The following KIAA0232 variants were observed in gnomAD, a reference collection of about 807,000 sequenced individuals.
The protein encoded by KIAA0232 is KIAA0232.
In KIAA0232, 27 loss-of-function variants were observed where a neutral mutation model predicts 122.0. The observed-to-expected ratio is 0.22, with a 90% CI of 0.16 to 0.31. The LOEUF is 0.31. KIAA0232 is among the 10% of genes least tolerant of loss of function. The probability of loss-of-function intolerance (pLI) is 1.00; values close to 1 mark genes in which losing one functional copy is unlikely to be tolerated. For missense variants in KIAA0232, 1,551 were observed against 1,634.2 expected, an observed-to-expected ratio of 0.95 and a Z score of 0.88; for synonymous variants, 613 against 587.6, an observed-to-expected ratio of 1.04 and a Z score of -0.63.
intron 4 of KIAA0232, among the ~76,000 whole-genome samples, chr4:6,856,357 A>G (rs1720571910): frequency 6.6e-6 from 1 of 152,164 alleles, no homozygotes; most frequent in African/African-American, 2.4e-5. Flanking sequence ...AAATACATTG[A>G]CTTTTTTTGT....
chr4:6,857,252 G>C lies in KIAA0232; in HGVS notation c.436+22G>C, dbSNP rs188187503. On this transcript the variant is annotated intron_variant, in intron 5 of 9. Transcript: ENST00000307659. The stretch of plus-strand genomic sequence containing the variant: ...CAAGGTGAGGTCAAAAGCACTGTGC[G>C]CACACATGCCAGGATTACATCCCTG... 6.7e-4 allele frequency: 1,068 copies of C among 1,597,226 alleles called. 12 individuals carry two copies. In the South Asian group the frequency reaches 8.9e-3, roughly 13 times the overall value.
chr4:6,811,826 A>G (rs1334451670), intron 2 of KIAA0232, among the ~76,000 whole-genome samples: 1 of 141,304 alleles, frequency 7.1e-6, no homozygotes, highest in Non-Finnish European at 1.5e-5. Flanking sequence ...TTTCTGTTGC[A>G]TAATCTACCC....
At chr4:6,810,807 A>C (rs184545679) in intron 2 of KIAA0232, among the ~76,000 whole-genome samples, 2 of 152,302 alleles carry the variant, frequency 1.3e-5, no homozygotes, top group East Asian at 3.9e-4. Flanking sequence ...AGACATACAC[A>C]TGGCCTACAC....
intron 2 of KIAA0232, among the ~76,000 whole-genome samples, chr4:6,813,233 A>T (rs965309736): frequency 6.6e-6 from 1 of 152,164 alleles, no homozygotes; most frequent in Admixed American, 6.5e-5. Context: ...CTTCAAAACA[A>T]TTCCTCACTG....
chr4:6,870,801 T>TG (rs1319170180), intron 7 of KIAA0232, among the ~76,000 whole-genome samples: 4 of 45,310 alleles, frequency 8.8e-5, no homozygotes, highest in Non-Finnish European at 2.4e-4. Flanking sequence ...GACTCTGTCT[T>TG]GGAAAAAAAA....
intron 2 of KIAA0232, among the ~76,000 whole-genome samples, chr4:6,813,620 C>G (rs28575792): frequency 6.6e-6 from 1 of 152,092 alleles, no homozygotes; most frequent in Admixed American, 6.5e-5. Flanking sequence ...CCTCGGCCTC[C>G]CAAAGTGCTG....
In KIAA0232 at chr4:6,862,892, C is replaced by A; in HGVS notation, c.2510C>A (p.Ser837Tyr). 2 of 1,614,200 alleles carry A rather than the reference C, an allele frequency of 1.2e-6. No homozygotes were observed. Among genetic ancestry groups the A allele is most frequent in the Non-Finnish European group, 1.7e-6 (2 of 1,180,026 alleles). ...DIWTKMADTN[S>Y]VATVEIERTD... ...TGGACAAAGATGGCAGACACAAATTCTGTGGCTACAGTAGAAATAGAAAGA... is the reference window on the plus strand; with the variant it reads ...TGGACAAAGATGGCAGACACAAATTATGTGGCTACAGTAGAAATAGAAAGA... The change falls in exon 7 of 10, where the codon TCT (serine) becomes TAT (tyrosine). Residue 837 changes from serine to tyrosine, a missense_variant. Ser to Tyr is a moderately radical substitution (Grantham distance 144). Coordinates refer to ENST00000307659, the MANE Select transcript of KIAA0232 (RefSeq NM_014743.3).
Position 6,863,105 on chromosome 4 carries a change from G to T in KIAA0232, c.2723G>T (p.Gly908Val), listed in dbSNP as rs1373245948. The change falls in exon 7 of 10, where the codon GGT becomes GTT. Residue 908 changes from glycine to valine, a missense_variant. By Grantham distance (109) the Gly-to-Val change is moderately radical. This residue lies in a region of KIAA0232 where 1,108 missense variants were observed against 1,154.8 expected (regional missense o/e 0.96). Coordinates refer to ENST00000307659, the MANE Select transcript of KIAA0232 (RefSeq NM_014743.3). ...TCTAGTGAGCTATCAAACGTGGATG[G>T]TGGTGATTATACAACACCCTCTAAA... ...FASSELSNVD[G>V]GDYTTPSKPW... 1 of 1,614,234 alleles carries T rather than the reference G, an allele frequency of 6.2e-7. No individual in the cohort carries two copies. Among genetic ancestry groups the T allele is most frequent in the Admixed American group, 1.7e-5 (1 of 60,030 alleles).
At chr4:6,879,065 G>A (rs1348998145) in intron 9 of KIAA0232, among the ~76,000 whole-genome samples, 1 of 151,972 alleles carries the variant, frequency 6.6e-6, no homozygotes, top group Non-Finnish European at 1.5e-5. Context: ...CAGCCACTTC[G>A]CATCTCCCAC....
At chr4:6,876,426 A>G (rs929974228) in intron 8 of KIAA0232, among the ~76,000 whole-genome samples, 5 of 151,948 alleles carry the variant, frequency 3.3e-5, no homozygotes, top group Non-Finnish European at 7.4e-5. Context: ...ATGCTGGCCT[A>G]TTTCTTTTTT....
intron 1 of KIAA0232, among the ~76,000 whole-genome samples, chr4:6,790,860 T>A (rs886605150): frequency 1.3e-5 from 2 of 151,908 alleles, no homozygotes; most frequent in Admixed American, 6.6e-5. Flanking sequence ...GTCCTGATTC[T>A]ACTTTTGTTA....
intron 2 of KIAA0232, among the ~76,000 whole-genome samples, chr4:6,814,704 C>G (rs759206031): frequency 2.0e-5 from 3 of 152,028 alleles, no homozygotes; most frequent in Non-Finnish European, 2.9e-5. Flanking sequence ...GCTGTGGGCA[C>G]AAAAGCCAGC....
At chr4:6,820,943 A>T (rs1236111174) in intron 2 of KIAA0232, among the ~76,000 whole-genome samples, 2 of 152,170 alleles carry the variant, frequency 1.3e-5, no homozygotes, top group Admixed American at 1.3e-4. Flanking sequence ...TGGGGAGGGT[A>T]AGAGGAGGCG....
In KIAA0232 at chr4:6,782,781, C is replaced by T. The variant is rs1716399518; in HGVS notation, c.-414C>T. 2 of 148,938 alleles carry T rather than the reference C, an allele frequency of 1.3e-5. No individual in the cohort carries two copies. The highest frequency in any genetic ancestry group is 3.0e-5 in the Non-Finnish European group (2 of 66,800). 9.2% of individuals were successfully genotyped at this position (148,938 alleles called of 1,614,324 possible). A position where few individuals can be genotyped will look rare whatever the true frequency, so the allele number is the denominator to read the frequency against. Reference sequence around the variant, plus strand: ...CCGGCGCTCGGCAGCCGCCCGCAGCCCCTCGGAGCCAGAGGAGAGGCGCCC... The same window carrying T: ...CCGGCGCTCGGCAGCCGCCCGCAGCTCCTCGGAGCCAGAGGAGAGGCGCCC... On this transcript the variant is annotated 5_prime_UTR_variant, in exon 1 of 10. Coordinates refer to ENST00000307659, the MANE Select transcript of KIAA0232 (RefSeq NM_014743.3).
chr4:6,790,631 C>T (rs895470161), intron 1 of KIAA0232, among the ~76,000 whole-genome samples: 82 of 152,068 alleles, frequency 5.4e-4, no homozygotes, highest in African/African-American at 1.9e-3. Context: ...GCGATCCTCC[C>T]GCCTTGGCCT....
At chr4:6,860,825 CTGGT>C (rs1720811409) in intron 6 of KIAA0232, 72 bp from the exon 7 acceptor site, 4 of 1,215,208 alleles carry the variant, frequency 3.3e-6, no homozygotes, top group African/African-American at 1.5e-5. Context: ...TTCCATTCTT[CTGGT>C]TGGTAATGTT....
intron 2 of KIAA0232, among the ~76,000 whole-genome samples, chr4:6,810,681 C>T (rs928071403): frequency 1.3e-5 from 2 of 152,154 alleles, no homozygotes; most frequent in African/African-American, 4.8e-5. Flanking sequence ...AACTATTTAT[C>T]TGATAGGGAA....
intron 8 of KIAA0232, among the ~76,000 whole-genome samples, chr4:6,873,454 C>T (rs1461764303): frequency 6.6e-6 from 1 of 152,234 alleles, no homozygotes. Context: ...GTGGCCACAG[C>T]TGTGCCACAG....
At chr4:6,817,391 G>C (rs1718184375) in intron 2 of KIAA0232, among the ~76,000 whole-genome samples, 1 of 152,044 alleles carries the variant, frequency 6.6e-6, no homozygotes, top group Non-Finnish European at 1.5e-5. Context: ...TAATTTTTTT[G>C]TATTTTTAGT....
Sources: allele counts gnomAD v4.1 joint callset (sites outside exome capture counted in the v4.1 genomes callset), GRCh38; gene constraint gnomAD v4.1.1; regional missense constraint gnomAD v4.1.1; transcripts MANE v1.5; gene names NCBI Gene and HGNC (gene_info 2026-07-23, HGNC 2026-07-21).